DENND2C: variants seen among roughly 807,000 people sequenced by gnomAD.
DENND2C encodes the protein DENN domain containing 2C, also known as DENN domain-containing protein 2C.
In DENND2C, 72 loss-of-function variants were observed where a neutral mutation model predicts 112.4. That is an observed-to-expected ratio of 0.64 (90% CI 0.53 to 0.78). The LOEUF (loss-of-function observed/expected upper bound fraction) is 0.78. Among genes scored for constraint, DENND2C ranks in the 30% least tolerant of loss-of-function variants. The probability of loss-of-function intolerance (pLI) is 0.00; values close to 1 mark genes in which losing one functional copy is unlikely to be tolerated. For synonymous variants in DENND2C, 329 were observed against 381.6 expected (o/e 0.86, Z 1.61); for missense variants, 992 against 1,113.8 (o/e 0.89, Z 1.56).
chr1:114,617,246 T>C (rs760885013), intron 8 of DENND2C, among the ~76,000 whole-genome samples: 3 of 152,222 alleles, frequency 2.0e-5, no homozygotes, highest in Non-Finnish European at 4.4e-5. Context: ...TGATTTATTA[T>C]GAATGTTGAC....
At chr1:114,659,006 C>T (rs1029795023) in intron 1 of DENND2C, among the ~76,000 whole-genome samples, 1 of 152,086 alleles carries the variant, frequency 6.6e-6, no homozygotes, top group Non-Finnish European at 1.5e-5. Flanking sequence ...TGTGATGCAT[C>T]GCTTCTCAGT....
At chr1:114,602,066 C>T (rs1216084291) in intron 12 of DENND2C, 59 bp downstream of exon 12, 3 of 1,541,680 alleles carry the variant, frequency 1.9e-6, no homozygotes, top group East Asian at 2.2e-5. Context: ...TCTGAAGTTC[C>T]TACTCTGACT....
chr1:114,649,233 G>A (rs889499708), intron 2 of DENND2C, among the ~76,000 whole-genome samples: 2 of 152,146 alleles, frequency 1.3e-5, no homozygotes, highest in African/African-American at 4.8e-5. Flanking sequence ...GGGATTACAG[G>A]TGTGAGCCAT....
intron 3 of DENND2C, among the ~76,000 whole-genome samples, chr1:114,638,713 T>C (rs1048077282): frequency 7.2e-6 from 1 of 137,938 alleles, no homozygotes; most frequent in African/African-American, 2.8e-5. Context: ...TAGTGAGCGA[T>C]GATTACACTA....
At chr1:114,663,786 A>T (rs979511952) in intron 1 of DENND2C, among the ~76,000 whole-genome samples, 59 of 152,338 alleles carry the variant, frequency 3.9e-4, no homozygotes, top group African/African-American at 1.4e-3. Flanking sequence ...ATTGGAACAC[A>T]GTCCATGCTT....
intron 1 of DENND2C, among the ~76,000 whole-genome samples, chr1:114,656,597 C>T (rs1460054940): frequency 2.0e-5 from 3 of 151,414 alleles, no homozygotes; most frequent in Admixed American, 6.6e-5. Context: ...GTAGTTTCAC[C>T]GTGTTGGCCA....
At chr1:114,643,804 T>G (rs1225794032) in intron 3 of DENND2C, among the ~76,000 whole-genome samples, 1 of 150,416 alleles carries the variant, frequency 6.6e-6, no homozygotes, top group African/African-American at 2.5e-5. Context: ...TCATGGAAAT[T>G]TTTTCAGGTT....
At chr1:114,648,361 G>C (rs949852711) in intron 2 of DENND2C, among the ~76,000 whole-genome samples, 1 of 152,114 alleles carries the variant, frequency 6.6e-6, no homozygotes, top group Non-Finnish European at 1.5e-5. Context: ...TGTGTTCTCC[G>C]AGTTTCAGCA....
chr1:114,621,763 G>A (rs775505746), intron 7 of DENND2C, 132 bp downstream of exon 7: 13 of 1,195,586 alleles, frequency 1.1e-5, no homozygotes, highest in Middle Eastern at 2.0e-4. Flanking sequence ...AAAACATAAC[G>A]CTGCCTTCTA....
chr1:114,615,645 C>G (rs1403283701), intron 8 of DENND2C, among the ~76,000 whole-genome samples: 3 of 152,170 alleles, frequency 2.0e-5, no homozygotes, highest in African/African-American at 7.2e-5. Context: ...ATTATGAAAA[C>G]TCACGTTAAA....
intron 3 of DENND2C, among the ~76,000 whole-genome samples, chr1:114,639,309 G>A (rs1175373154): frequency 3.9e-5 from 6 of 152,096 alleles, no homozygotes; most frequent in African/African-American, 1.2e-4. Flanking sequence ...GGCCAGGCGC[G>A]GTGGCTCATG....
intron 8 of DENND2C, among the ~76,000 whole-genome samples, chr1:114,614,041 T>C (rs1056326637): frequency 1.3e-5 from 2 of 152,046 alleles, no homozygotes; most frequent in Non-Finnish European, 2.9e-5. Flanking sequence ...AAGACCAGCC[T>C]GGCAACATGG....
chr1:114,645,032 A>G (rs969400962), intron 3 of DENND2C, among the ~76,000 whole-genome samples: 1 of 152,254 alleles, frequency 6.6e-6, no homozygotes, highest in Non-Finnish European at 1.5e-5. Flanking sequence ...ATGTAAAAGG[A>G]GGGTATAGTA....
At chr1:114,638,005 C>T (rs115433053) in intron 3 of DENND2C, among the ~76,000 whole-genome samples, 1,735 of 152,026 alleles carry the variant, frequency 0.011, 28 homozygotes, top group African/African-American at 0.039. Context: ...ATTTTCAAAA[C>T]GAAGAATAAA....
chr1:114,648,322 T>G (rs957011709), intron 2 of DENND2C, among the ~76,000 whole-genome samples: 1 of 152,210 alleles, frequency 6.6e-6, no homozygotes, highest in Non-Finnish European at 1.5e-5. Flanking sequence ...TATAAACTAA[T>G]GCAACAGGAT....
intron 7 of DENND2C, among the ~76,000 whole-genome samples, chr1:114,620,742 A>G (rs962475964): frequency 1.3e-5 from 2 of 151,988 alleles, no homozygotes; most frequent in African/African-American, 4.8e-5. Flanking sequence ...TTTTTTCACT[A>G]AGAGAGATCA....
At chr1:114,602,215 T>C (rs1557941589) in intron 11 of DENND2C, 21 bp from the exon 12 acceptor site, 2 of 1,611,686 alleles carry the variant, frequency 1.2e-6, no homozygotes, top group Admixed American at 3.3e-5. Flanking sequence ...AGCCAATAGT[T>C]AGTTTAGGAT....
At chr1:114,621,851 A>G (rs769884426) in intron 7 of DENND2C, 44 bp downstream of exon 7, 1 of 1,547,076 alleles carries the variant, frequency 6.5e-7, no homozygotes, top group South Asian at 1.2e-5. Flanking sequence ...ATTCATGGAA[A>G]TGCTGAAGTA....
chr1:114,635,067 A>G (rs956046198), intron 3 of DENND2C, among the ~76,000 whole-genome samples: 3 of 151,596 alleles, frequency 2.0e-5, no homozygotes, highest in Non-Finnish European at 4.4e-5. Flanking sequence ...AAAAACTGGA[A>G]CACACTTTAC....
Sources: allele counts gnomAD v4.1 joint callset (sites outside exome capture counted in the v4.1 genomes callset), GRCh38; gene constraint gnomAD v4.1.1; transcripts MANE v1.5; gene names NCBI Gene and HGNC (gene_info 2026-07-23, HGNC 2026-07-21).